COL6A3: variants seen among roughly 807,000 people sequenced by gnomAD.
COL6A3 encodes the protein collagen type VI alpha 3 chain, also known as collagen alpha-3(VI) chain.
COL6A3 carries 137 observed loss-of-function variants against 274.1 expected under a neutral mutation model. The ratio of observed to expected loss-of-function variants is 0.50; its 90% confidence interval spans 0.44 to 0.58. COL6A3 has a LOEUF of 0.58. Among genes scored for constraint, COL6A3 ranks in the 20% least tolerant of loss-of-function variants. COL6A3 has a pLI of 0.00. For synonymous variants in COL6A3, 1,650 were observed against 1,650.6 expected, an observed-to-expected ratio of 1.00 and a Z score of 0.01; for missense variants, 3,950 against 4,124.9, an observed-to-expected ratio of 0.96 and a Z score of 1.16.
rs752232293 is a variant in COL6A3, at chr2:237,344,443, C to T, written c.7575G>A (p.Gln2525=). The change falls in exon 36 of 44, where the codon CAG becomes CAA. Residue 2525 remains glutamine, a synonymous_variant. Coordinates refer to ENST00000295550, the MANE Select transcript of COL6A3 (RefSeq NM_004369.4). This position sits in a 1 kb window ranked among gnomAD's most constrained non-coding sequence, Gnocchi z 4.8. ...AGAGCTTGAGCACAGCCTCTCTGAG[C>T]TGTGGGGATGCTCTTGTGGGTGTGT... is the stretch of plus-strand genomic sequence containing the variant. ...FSNTPTRASP[Q]LREAVLKLSD... is the part of the protein sequence containing the mutation. 3.1e-6 allele frequency: 5 copies of T among 1,614,230 alleles called. No homozygotes were observed. The highest frequency in any genetic ancestry group is 4.2e-6 in the Non-Finnish European group (5 of 1,180,042).
At position 237,374,641 on chromosome 2, in the gene COL6A3, G is replaced by C. The variant is rs760703216; in HGVS notation, c.3450C>G (p.Asn1150Lys). 16 of 1,614,062 alleles carry C rather than the reference G, an allele frequency of 9.9e-6. No homozygotes were observed. In the East Asian group the frequency reaches 3.6e-4, roughly 36 times the overall value. ...CACCCCTCTTCACGACCACGGAGGGGTTCCGCACATCATCCCCAGACCTGT... is the reference window on the plus strand; with the variant it reads ...CACCCCTCTTCACGACCACGGAGGGCTTCCGCACATCATCCCCAGACCTGT... ...TADRSGDDVR[N>K]PSVVVKRGGA... The change falls in exon 8 of 44, where the codon AAC becomes AAG. Residue 1150 changes from asparagine to lysine, a missense_variant. Physicochemically the swap from Asn to Lys is moderately conservative, Grantham distance 94. Transcript: ENST00000295550. The surrounding 1 kb of genome is among the most constrained non-coding windows in gnomAD (Gnocchi z 4.8).
intron 4 of COL6A3, among the ~76,000 whole-genome samples, chr2:237,381,936 T>G (rs1390589438): frequency 2.0e-5 from 3 of 152,212 alleles, no homozygotes; most frequent in Non-Finnish European, 4.4e-5. Flanking sequence ...CATTGTCAAG[T>G]GCAAAAGCTG....
At chr2:237,402,252 C>T (rs1211876868) in intron 1 of COL6A3, among the ~76,000 whole-genome samples, 1 of 152,086 alleles carries the variant, frequency 6.6e-6, no homozygotes, top group East Asian at 1.9e-4. Flanking sequence ...GTTACTGTCC[C>T]ATAGGTATAG....
Position 237,336,464 on chromosome 2 carries a change from G to A in COL6A3, c.8636C>T (p.Thr2879Met), listed in dbSNP as rs150907698. ...TGTTGTGGTGGTCACCGGCTTCGTC[G>A]TAGTCACCGGCTTCGTTGTCGTCAC... Reference protein sequence around the residue: ...NPVTTTKPVTTTKPVTTTTKP... With the variant: ...NPVTTTKPVTMTKPVTTTTKP... The change falls in exon 40 of 44, where the codon ACG (threonine) becomes ATG (methionine). Residue 2879 changes from threonine (T) to methionine (M), a missense_variant. By Grantham distance (81) the Thr-to-Met change is moderately conservative. Transcript: ENST00000295550. 2,126 of 1,614,152 alleles carry A rather than the reference G, an allele frequency of 1.3e-3. 4 individuals carry two copies. The highest frequency in any genetic ancestry group is 1.6e-3 in the Non-Finnish European group (1,884 of 1,180,030).
At chr2:237,367,536 A>T (rs2077582361) in intron 10 of COL6A3, among the ~76,000 whole-genome samples, 1 of 152,236 alleles carries the variant, frequency 6.6e-6, no homozygotes, top group South Asian at 2.1e-4. Context: ...ATTTGATGTC[A>T]CACTCTGTGA....
chr2:237,356,320 G>C (rs765468145), intron 23 of COL6A3, among the ~76,000 whole-genome samples: 7 of 151,866 alleles, frequency 4.6e-5, no homozygotes, highest in African/African-American at 7.3e-5. Context: ...CAAAAATAAT[G>C]CTCACTTCCA....
At chr2:237,378,275 A>G (rs1447671383) in intron 6 of COL6A3, among the ~76,000 whole-genome samples, 1 of 152,190 alleles carries the variant, frequency 6.6e-6, no homozygotes. Flanking sequence ...AAATAATCCC[A>G]AGGCATATTC....
chr2:237,346,454 T>C, intron 32 of COL6A3, 49 bp downstream of exon 32: 1 of 1,547,240 alleles, frequency 6.5e-7, no homozygotes, highest in Non-Finnish European at 8.9e-7. Context: ...GGACCACGTG[T>C]AAAGCACCCA....
chr2:237,410,545 T>C (rs2078832827), intron 1 of COL6A3, among the ~76,000 whole-genome samples: 1 of 152,130 alleles, frequency 6.6e-6, no homozygotes, highest in Non-Finnish European at 1.5e-5. Flanking sequence ...GCTCAAGCGA[T>C]CCGCCCACCT....
In COL6A3 at chr2:237,413,547, C is replaced by A. The variant is rs961453818; in HGVS notation, c.-31+406G>T. Among the ~76,000 whole-genome samples the A allele has an allele frequency of 6.6e-6, 1 of 152,206 alleles. No individual in the cohort carries two copies. The highest frequency in any genetic ancestry group is 6.5e-5 in the Admixed American group (1 of 15,282). On this transcript the variant is annotated intron_variant, in intron 1 of 43. Transcript: ENST00000295550. This position sits in a 1 kb window ranked among gnomAD's most constrained non-coding sequence, Gnocchi z 4.0. The stretch of plus-strand genomic sequence containing the variant: ...AGAGAGCTCAGAGAACATCTCCCAG[C>A]GGAGCCGCCCGGCAGGGAGCTATGC...
At chr2:237,370,778 C>T (rs997169980) in intron 9 of COL6A3, among the ~76,000 whole-genome samples, 2 of 152,132 alleles carry the variant, frequency 1.3e-5, no homozygotes, top group South Asian at 4.1e-4. Context: ...GAGAATCAGC[C>T]CCCGCATTGG....
At position 237,331,585 on chromosome 2, in the gene COL6A3, G is replaced by C. The variant is rs1574921062; in HGVS notation, c.9328+1865C>G. On this transcript the variant is annotated intron_variant, in intron 42 of 43. Coordinates refer to ENST00000295550, the MANE Select transcript of COL6A3 (RefSeq NM_004369.4). ...TCGCACCAACCTAGTAATTCAAAAA[G>C]AGCTCTCAAAAATGCCATAACTGTG... is the stretch of plus-strand genomic sequence containing the variant. Among the ~76,000 whole-genome samples the C allele has an allele frequency of 2.0e-5, 3 of 152,088 alleles. No homozygotes were observed. In the East Asian group the frequency reaches 5.8e-4, roughly 29 times the overall value.
At chr2:237,365,302 T>C (rs1338115160) in intron 12 of COL6A3, among the ~76,000 whole-genome samples, 2 of 151,904 alleles carry the variant, frequency 1.3e-5, no homozygotes, top group African/African-American at 4.8e-5. Flanking sequence ...GCTGTAGTAC[T>C]TCATGATGAT....
rs749711013 is a variant in COL6A3 at position 237,375,028 on chromosome 2, G to C, written c.3071-8C>G. On this transcript the variant is annotated splice_region_variant and splice_polypyrimidine_tract_variant and intron_variant, in intron 7 of 43. Coordinates refer to ENST00000295550, the MANE Select transcript of COL6A3 (RefSeq NM_004369.4). ...CGTCCTTTTCACCTGAAACTGGGAGGAGGACAGCCTGGTAACTCACACAGG... is the reference window on the plus strand; with the variant it reads ...CGTCCTTTTCACCTGAAACTGGGAGCAGGACAGCCTGGTAACTCACACAGG... 6.2e-7 allele frequency: 1 copy of C among 1,613,116 alleles called. No homozygotes were observed. The highest frequency in any genetic ancestry group is 8.5e-7 in the Non-Finnish European group (1 of 1,180,032).
Position 237,353,366 on chromosome 2 carries a change from C to T in COL6A3, c.6665G>A (p.Gly2222Glu). The T allele has an allele frequency of 6.2e-7, 1 of 1,614,172 alleles. No homozygotes were observed. Among genetic ancestry groups the T allele is most frequent in the Non-Finnish European group, 8.5e-7 (1 of 1,180,028 alleles). The change falls in exon 25 of 44, where the codon GGA becomes GAA. Residue 2222 changes from glycine (G) to glutamate (E), a missense_variant. Around this residue, in one of 5 missense-constraint regions of COL6A3, gnomAD observed 1,284 missense variants for 1,349.7 expected, o/e 0.95. Transcript: ENST00000295550. ...CTGTGCACCTCTGGTCCCCTGCTCT[C>T]CCTCAAAGCCCGGCTGGCCAGGACC... ...KGGPGQPGFE[G>E]EQGTRGAQGP...
chr2:237,395,086 A>T lies in COL6A3; in HGVS notation c.210T>A (p.Ala70=). 1 of 1,614,168 alleles carries T rather than the reference A, an allele frequency of 6.2e-7. No homozygotes were observed. Among genetic ancestry groups the T allele is most frequent in the East Asian group, 2.2e-5 (1 of 44,894 alleles). Residue 70 remains alanine, a synonymous_variant, in exon 3 of 44, where the codon GCT becomes GCA. Transcript: ENST00000295550. ...CAAAATGGAAATCATTTTCTCCCAC[A>T]GCTAAGGATTTTACAACATCATATA... ...EFLYDVVKSL[A]VGENDFHFAL...
chr2:237,340,210 G>A lies in COL6A3; in HGVS notation c.8464+242C>T, dbSNP rs57074977. Among the ~76,000 whole-genome samples the A allele has an allele frequency of 0.017, 2,570 of 152,292 alleles. 83 individuals are homozygous for A. Among genetic ancestry groups the A allele is most frequent in the African/African-American group, 0.057 (2,379 of 41,546 alleles). ...CAAGAGTGCCTTATGACTAGGTGGC[G>A]CTTGGTCAAATGTGGTGGAATAAAG... On this transcript the variant is annotated intron_variant, in intron 38 of 43. Transcript: ENST00000295550.
At chr2:237,337,706 G>A (rs1164773426) in intron 39 of COL6A3, among the ~76,000 whole-genome samples, 6 of 152,246 alleles carry the variant, frequency 3.9e-5, no homozygotes, top group African/African-American at 7.2e-5. Context: ...TTGCTGACAC[G>A]CTGCAGGGGC....
chr2:237,393,642 C>A (rs2078348227), intron 3 of COL6A3, among the ~76,000 whole-genome samples: 1 of 152,208 alleles, frequency 6.6e-6, no homozygotes. Context: ...CATTTTCTAA[C>A]AAGGGGAGGT....
Sources: allele counts gnomAD v4.1 joint callset (sites outside exome capture counted in the v4.1 genomes callset), GRCh38; gene constraint gnomAD v4.1.1; regional missense constraint gnomAD v4.1.1; non-coding constraint Gnocchi (gnomAD v3.1); transcripts MANE v1.5; gene names NCBI Gene and HGNC (gene_info 2026-07-23, HGNC 2026-07-21).